Variants in CLSTN3 observed in about 807,000 individuals in gnomAD.
CLSTN3 encodes calsyntenin-3.
Under a neutral mutation model 95.9 loss-of-function variants are expected in CLSTN3, and 36 were observed. The ratio of observed to expected loss-of-function variants is 0.38; its 90% CI spans 0.29 to 0.50. CLSTN3 has a LOEUF of 0.50. CLSTN3 is among the 20% of genes least tolerant of loss of function. The probability of loss-of-function intolerance (pLI) is 0.95; values close to 1 mark genes in which losing one functional copy is unlikely to be tolerated. For missense variants in CLSTN3, 1,084 were observed against 1,268.8 expected (o/e 0.85, Z 2.21); for synonymous variants, 481 against 504.0 (o/e 0.95, Z 0.61).
chr12:7,132,883 C>T (rs753848681), intron 1 of CLSTN3, 141 bp from the exon 2 acceptor site: 3 of 1,126,126 alleles, frequency 2.7e-6, no homozygotes, highest in African/African-American at 3.1e-5. Context: ...CCTCAACCAC[C>T]CGCCTCCTGT....
rs1591617461 is a variant in CLSTN3 at position 7,142,872 on chromosome 12, A to C, written c.1544A>C (p.Asp515Ala). The change falls in exon 11 of 18, where the codon GAC becomes GCC. Residue 515 changes from aspartate to alanine, a missense_variant. Coordinates refer to ENST00000266546, the MANE Select transcript of CLSTN3 (RefSeq NM_014718.4). ...TGCTCCTGTGTTCCTACCCTAGGAGACCCTTTGTCGATCCACCACTACTTC... is the reference window on the plus strand; with the variant it reads ...TGCTCCTGTGTTCCTACCCTAGGAGCCCCTTTGTCGATCCACCACTACTTC... ...GDNSTDTTQGDPLSIHHYFHG... is the reference protein window; with the variant it reads ...GDNSTDTTQGAPLSIHHYFHG... 3 of 1,610,902 alleles carry C rather than the reference A, an allele frequency of 1.9e-6. No homozygotes were observed. The highest frequency in any genetic ancestry group is 2.7e-5 in the African/African-American group (2 of 73,882).
In CLSTN3 at chr12:7,149,809, TTGCA is replaced by T; in HGVS notation, c.2245+118_2245+121del. ...TCCAGGGATGTGGACAAGTGCCGTT[TTGCA>T]TTTTCCTAGCCTGGAAGATCCTCTG... On this transcript the variant is annotated intron_variant, in intron 14 of 17. Transcript: ENST00000266546. The surrounding 1 kb of genome is among the most constrained non-coding windows in gnomAD (Gnocchi z 4.5). The T allele has an allele frequency of 1.0e-6, 1 of 994,400 alleles. No homozygotes were observed. Among genetic ancestry groups the T allele is most frequent in the Non-Finnish European group, 1.5e-6 (1 of 686,634 alleles). The allele number at this position is 994,400 out of a possible 1,614,324, so 61.6% of individuals were successfully genotyped here.
Position 7,130,535 on chromosome 12 carries a change from T to G in CLSTN3, c.-114T>G. 1.3e-6 allele frequency: 2 copies of G among 1,544,084 alleles called. No homozygotes were observed. The highest frequency in any genetic ancestry group is 1.7e-6 in the Non-Finnish European group (2 of 1,146,544). On this transcript the variant is annotated 5_prime_UTR_variant, in exon 1 of 18. Coordinates refer to ENST00000266546, the MANE Select transcript of CLSTN3 (RefSeq NM_014718.4). The stretch of plus-strand genomic sequence containing the variant: ...GGCAGGCTCCTTTCCGTCCCTGCCC[T>G]GCTGTACCCCGCTCCTTGGAGACCC...
At chr12:7,145,138 C>T (rs1225902134) in intron 12 of CLSTN3, among the ~76,000 whole-genome samples, 1 of 152,176 alleles carries the variant, frequency 6.6e-6, no homozygotes, top group East Asian at 1.9e-4. Flanking sequence ...ATTCTCTTTG[C>T]TGACTGCCTC....
chr12:7,157,609 C>T lies in CLSTN3; in HGVS notation c.2648C>T (p.Pro883Leu), dbSNP rs1297184188. Residue 883 changes from proline (P) to leucine (L), a missense_variant, in exon 17 of 18, where the codon CCT (proline) becomes CTT (leucine). Pro to Leu is a moderately conservative substitution (Grantham distance 98). Coordinates refer to ENST00000266546, the MANE Select transcript of CLSTN3 (RefSeq NM_014718.4). This position sits in a 1 kb window ranked among gnomAD's most constrained non-coding sequence, Gnocchi z 5.9. Reference protein sequence around the residue: ...LHRRVSGAGGPPGASSDPKDP... With the variant: ...LHRRVSGAGGLPGASSDPKDP... ...CGCCGCGTCTCAGGGGCCGGCGGGC[C>T]TCCAGGGGCCTCCAGTGACCCCAAG... 6.2e-7 allele frequency: 1 copy of T among 1,611,452 alleles called. No homozygotes were observed. Among genetic ancestry groups the T allele is most frequent in the African/African-American group, 1.3e-5 (1 of 74,996 alleles).
At chr12:7,134,830 C>T (rs1312053412) in intron 3 of CLSTN3, among the ~76,000 whole-genome samples, 1 of 152,230 alleles carries the variant, frequency 6.6e-6, no homozygotes, top group Non-Finnish European at 1.5e-5. Flanking sequence ...TCATCAAAAT[C>T]AGCTCCTGAG....
At chr12:7,131,524 G>A (rs1007380136) in intron 1 of CLSTN3, among the ~76,000 whole-genome samples, 1 of 152,084 alleles carries the variant, frequency 6.6e-6, no homozygotes, top group Non-Finnish European at 1.5e-5. Flanking sequence ...AAAAGAGGGA[G>A]GAATGAGGAA....
At position 7,137,821 on chromosome 12, in the gene CLSTN3, A is replaced by AGG. The variant is rs1348799357; in HGVS notation, c.1211-133_1211-132dup. 6.8e-6 allele frequency: 4 copies of AGG among 586,144 alleles called. No homozygotes were observed. Among genetic ancestry groups the AGG allele is most frequent in the African/African-American group, 5.7e-5 (3 of 52,478 alleles). 36.3% of individuals were successfully genotyped at this position (586,144 alleles called of 1,614,324 possible). ...GAGAGAGAGAGAGAGAGAGAGAGAGAGGAAAGAAAAATGCTAGAGAACGAG... is the reference window on the plus strand; with the variant it reads ...GAGAGAGAGAGAGAGAGAGAGAGAGAGGGGAAAGAAAAATGCTAGAGAACGAG... On this transcript the variant is annotated intron_variant, in intron 7 of 17. Coordinates refer to ENST00000266546, the MANE Select transcript of CLSTN3 (RefSeq NM_014718.4). The surrounding 1 kb of genome is among the most constrained non-coding windows in gnomAD (Gnocchi z 4.4).
At chr12:7,136,535 C>A in intron 6 of CLSTN3, 144 bp downstream of exon 6, 1 of 893,662 alleles carries the variant, frequency 1.1e-6, no homozygotes, top group Non-Finnish European at 1.7e-6. Context: ...GCATTTGCGG[C>A]CCAAAAGGCA....
chr12:7,148,189 AAAG>A (rs1375226461), intron 12 of CLSTN3, among the ~76,000 whole-genome samples: 2 of 125,046 alleles, frequency 1.6e-5, no homozygotes, highest in Non-Finnish European at 3.5e-5. Context: ...AGAAAGAAAG[AAAG>A]AAAGAAAGAA....
In CLSTN3 at chr12:7,141,907, G is replaced by A. The variant is rs1179081681; in HGVS notation, c.1487-179G>A. The stretch of plus-strand genomic sequence containing the variant: ...ATAGAGGCTGGAGAGGTTGGAACAT[G>A]ACAAAAGAAGGGTTGGGGCTGAGCT... On this transcript the variant is annotated intron_variant, in intron 9 of 17. Coordinates refer to ENST00000266546, the MANE Select transcript of CLSTN3 (RefSeq NM_014718.4). The surrounding 1 kb of genome is among the most constrained non-coding windows in gnomAD (Gnocchi z 4.1). 6.6e-6 allele frequency among the ~76,000 whole-genome samples: 1 copy of A among 152,152 alleles called. No homozygotes were observed. The highest frequency in any genetic ancestry group is 2.4e-5 in the African/African-American group (1 of 41,432).
At position 7,141,713 on chromosome 12, in the gene CLSTN3, C is replaced by G. The variant is rs977605093; in HGVS notation, c.1486+309C>G. 6.6e-6 allele frequency among the ~76,000 whole-genome samples: 1 copy of G among 152,232 alleles called. No individual in the cohort carries two copies. Among genetic ancestry groups the G allele is most frequent in the Admixed American group, 6.5e-5 (1 of 15,282 alleles). On this transcript the variant is annotated intron_variant, in intron 9 of 17. Transcript: ENST00000266546. This position sits in a 1 kb window ranked among gnomAD's most constrained non-coding sequence, Gnocchi z 4.1. ...GTGATGATGACTTCCATAGCCCATT[C>G]CCCTGCTCAAGGAGAGTAACCCCTT...
chr12:7,156,443 G>A (rs1272586645), intron 16 of CLSTN3: 1 of 456,974 alleles, frequency 2.2e-6, no homozygotes, highest in Admixed American at 2.3e-5. Flanking sequence ...TCAGGGGGTT[G>A]CCTGGTCTGC....
At chr12:7,156,549 A>T in intron 16 of CLSTN3, 1 of 456,786 alleles carries the variant, frequency 2.2e-6, no homozygotes, top group Non-Finnish European at 4.4e-6. Context: ...CAGTGTGAGC[A>T]GGCGGCCAGG....
Position 7,141,952 on chromosome 12 carries a change from A to T in CLSTN3, c.1487-134A>T. On this transcript the variant is annotated intron_variant, in intron 9 of 17. Coordinates refer to ENST00000266546, the MANE Select transcript of CLSTN3 (RefSeq NM_014718.4). The surrounding 1 kb of genome is among the most constrained non-coding windows in gnomAD (Gnocchi z 4.1). ...TGAGCTGAGAGGTTGCAAGTTATACATGGGCAGGGTCAGAATCCCATGTGG... is the reference window on the plus strand; with the variant it reads ...TGAGCTGAGAGGTTGCAAGTTATACTTGGGCAGGGTCAGAATCCCATGTGG... The T allele has an allele frequency of 1.5e-6, 1 of 670,214 alleles. No homozygotes were observed. The highest frequency in any genetic ancestry group is 2.5e-6 in the Non-Finnish European group (1 of 399,222). 41.5% of individuals were successfully genotyped at this position (670,214 alleles called of 1,614,324 possible).
chr12:7,147,834 C>T (rs1691750825), intron 12 of CLSTN3, among the ~76,000 whole-genome samples: 1 of 152,024 alleles, frequency 6.6e-6, no homozygotes, highest in Admixed American at 6.6e-5. Context: ...AGGCATTTTA[C>T]AGCATAGAAA....
chr12:7,154,258 TTC>T (rs932310532), intron 16 of CLSTN3, among the ~76,000 whole-genome samples: 54 of 152,300 alleles, frequency 3.5e-4, no homozygotes, highest in Admixed American at 1.5e-3. Context: ...TATCAAACCA[TTC>T]TAAACATGCA....
In CLSTN3 at chr12:7,150,498, T is replaced by A. The variant is rs1463897700; in HGVS notation, c.2246-46T>A. On this transcript the variant is annotated intron_variant, in intron 14 of 17. Coordinates refer to ENST00000266546, the MANE Select transcript of CLSTN3 (RefSeq NM_014718.4). This position sits in a 1 kb window ranked among gnomAD's most constrained non-coding sequence, Gnocchi z 4.0. Reference sequence around the variant, plus strand: ...TCCAGGAGAGAGGGTCCTGCCCAGGTCCTGCCTCCACTGGCCCCTGCCCTG... The same window carrying A: ...TCCAGGAGAGAGGGTCCTGCCCAGGACCTGCCTCCACTGGCCCCTGCCCTG... 6.3e-7 allele frequency: 1 copy of A among 1,585,516 alleles called. No homozygotes were observed. Among genetic ancestry groups the A allele is most frequent in the Non-Finnish European group, 8.6e-7 (1 of 1,160,494 alleles).
rs753709619 is a variant in CLSTN3, at chr12:7,141,244, C to G, written c.1326C>G (p.Val442=). 2 of 1,613,898 alleles carry G rather than the reference C, an allele frequency of 1.2e-6. No individual in the cohort carries two copies. Among genetic ancestry groups the G allele is most frequent in the East Asian group, 4.5e-5 (2 of 44,870 alleles). The change falls in exon 9 of 18, where the codon GTC becomes GTG. Residue 442 remains valine, a splice_region_variant and synonymous_variant. Transcript: ENST00000266546. The surrounding 1 kb of genome is among the most constrained non-coding windows in gnomAD (Gnocchi z 4.1). ...PVKFLWKLEQ[V]CDDEWHHYAL... ...TTGCCCCTACCCTACTCTCCCAGGTCTGTGATGATGAGTGGCACCACTACG... is the reference window on the plus strand; with the variant it reads ...TTGCCCCTACCCTACTCTCCCAGGTGTGTGATGATGAGTGGCACCACTACG...
Sources: allele counts gnomAD v4.1 joint callset (sites outside exome capture counted in the v4.1 genomes callset), GRCh38; gene constraint gnomAD v4.1.1; non-coding constraint Gnocchi (gnomAD v3.1); transcripts MANE v1.5; gene names NCBI Gene and HGNC (gene_info 2026-07-23, HGNC 2026-07-21).